The following MYH10 variants were observed in gnomAD, a reference collection of about 807,000 sequenced individuals.
MYH10 encodes myosin-10.
In MYH10, 55 loss-of-function variants were observed where a neutral mutation model predicts 257.8. That is an observed-to-expected ratio of 0.21 (90% CI 0.17 to 0.27). MYH10 has a LOEUF of 0.27. MYH10 is among the 10% of genes least tolerant of loss of function. MYH10 has a pLI of 1.00. For missense variants in MYH10, 1,631 were observed against 2,500.6 expected (o/e 0.65, Z 7.42); for synonymous variants, 854 against 921.7 (o/e 0.93, Z 1.33).
In MYH10 at chr17:8,474,246, T is replaced by C. The variant is rs534277744; in HGVS notation, c.*1558A>G. 3 of 152,796 alleles carry C rather than the reference T, an allele frequency of 2.0e-5. No homozygotes were observed. The highest frequency in any genetic ancestry group is 7.2e-5 in the African/African-American group (3 of 41,588). 9.5% of individuals were successfully genotyped at this position (152,796 alleles called of 1,614,324 possible). ...TTATTCTTGTTTATTGAGGTCTCTT[T>C]ATTCTCCACGGGTGCTTTTTTCTTC... On this transcript the variant is annotated 3_prime_UTR_variant, in exon 43 of 43. Coordinates refer to ENST00000360416, the MANE Select transcript of MYH10 (RefSeq NM_001256012.3).
chr17:8,498,819 G>C (rs1917083544), intron 30 of MYH10, among the ~76,000 whole-genome samples: 2 of 152,124 alleles, frequency 1.3e-5, no homozygotes, highest in Non-Finnish European at 2.9e-5. Context: ...CTGCACTCCA[G>C]CCTGGGCAAC....
At chr17:8,580,682 A>G (rs893666669) in intron 4 of MYH10, among the ~76,000 whole-genome samples, 1 of 152,158 alleles carries the variant, frequency 6.6e-6, no homozygotes, top group Non-Finnish European at 1.5e-5. Context: ...TACTATTGGC[A>G]CATAGATAAG....
intron 3 of MYH10, among the ~76,000 whole-genome samples, chr17:8,594,717 C>T (rs2084295721): frequency 6.6e-6 from 1 of 152,146 alleles, no homozygotes; most frequent in South Asian, 2.1e-4. Flanking sequence ...TACTCAAGTC[C>T]CTTATATAAA....
chr17:8,517,760 G>A lies in MYH10; in HGVS notation c.2504+871C>T, dbSNP rs184644708. 3.9e-4 allele frequency among the ~76,000 whole-genome samples: 59 copies of A among 152,184 alleles called. 1 individual carries two copies. The highest frequency in any genetic ancestry group is 2.4e-3 in the Admixed American group (36 of 15,290). ...TTGACAGTATAGATTCCCCCTCACT[G>A]CACTCCTAACCCCTGTCCAGCGTCT... On this transcript the variant is annotated intron_variant, in intron 21 of 42. Coordinates refer to ENST00000360416, the MANE Select transcript of MYH10 (RefSeq NM_001256012.3).
intron 19 of MYH10, among the ~76,000 whole-genome samples, chr17:8,519,991 CTG>C (rs2081598579): frequency 1.3e-5 from 2 of 152,112 alleles, no homozygotes; most frequent in South Asian, 2.1e-4. Context: ...AGCTAAAAGA[CTG>C]TAATTGCACG....
In MYH10 at chr17:8,592,961, AT is replaced by A. The variant is rs1314421364; in HGVS notation, c.503-3854del. The stretch of plus-strand genomic sequence containing the variant: ...TATATATATATATATATATATATAT[AT>A]ATATATATAAAAGATGATGCACAGA... On this transcript the variant is annotated intron_variant, in intron 3 of 42. Transcript: ENST00000360416. 2.5e-4 allele frequency among the ~76,000 whole-genome samples: 31 copies of A among 122,872 alleles called. 3 individuals carry two copies. The highest frequency in any genetic ancestry group is 8.5e-4 in the African/African-American group (30 of 35,450). The allele number at this position is 122,872 out of a possible 152,430, so 80.6% of individuals were successfully genotyped here. A position where few individuals can be genotyped will look rare whatever the true frequency, so the allele number is the denominator to read the frequency against.
chr17:8,563,630 A>G (rs1361595459), intron 7 of MYH10, among the ~76,000 whole-genome samples: 1 of 152,232 alleles, frequency 6.6e-6, no homozygotes, highest in Non-Finnish European at 1.5e-5. Flanking sequence ...CATTTGCCTC[A>G]GTAAATCTTT....
intron 13 of MYH10, among the ~76,000 whole-genome samples, chr17:8,544,951 C>T (rs763739956): frequency 3.3e-5 from 5 of 152,224 alleles, no homozygotes; most frequent in East Asian, 1.9e-4. Context: ...GCCAAGCCCC[C>T]GTCATCTTGC....
At chr17:8,486,543 CAAAAAAAAAAAAAAAAA>C (rs67844660) in intron 36 of MYH10, among the ~76,000 whole-genome samples, 112,182 of 120,856 alleles carry the variant, frequency 0.93, 52,362 homozygotes, top group Non-Finnish European at 0.98. Flanking sequence ...TATTTAGCTT[CAAAAAAAAAAAAAAAAA>C]AAAAAAAAAA....
At chr17:8,595,546 C>A (rs1325568696) in intron 3 of MYH10, among the ~76,000 whole-genome samples, 1 of 149,796 alleles carries the variant, frequency 6.7e-6, no homozygotes, top group Non-Finnish European at 1.5e-5. Flanking sequence ...GATTCTCCTG[C>A]CTCAGCCTCC....
intron 41 of MYH10, among the ~76,000 whole-genome samples, chr17:8,478,070 C>T (rs1414154786): frequency 6.6e-6 from 1 of 152,312 alleles, no homozygotes; most frequent in Admixed American, 6.5e-5. Flanking sequence ...GCAGAAATCC[C>T]TGTACTCACG....
In MYH10 at chr17:8,500,928, A is replaced by T. The variant is rs146594015; in HGVS notation, c.3642T>A (p.Leu1214=). 1.4e-5 allele frequency: 22 copies of T among 1,614,138 alleles called. No individual in the cohort carries two copies. The East Asian group carries it at 4.9e-4, about 36-fold the overall frequency. Residue 1214 remains leucine (L), a synonymous_variant, in exon 29 of 43, where the codon CTT becomes CTA. Transcript: ENST00000360416. ...CTTCATGGTTCTTAGTTTCCTCCTCAAGAGCTTTCTTCAGCTCTGCCACTT... is the reference window on the plus strand; with the variant it reads ...CTTCATGGTTCTTAGTTTCCTCCTCTAGAGCTTTCTTCAGCTCTGCCACTT... The part of the protein sequence containing the change: ...EQEVAELKKA[L]EEETKNHEAQ...
chr17:8,533,621 A>C lies in MYH10; in HGVS notation c.1894+1766T>G, dbSNP rs570329669. The stretch of plus-strand genomic sequence containing the variant: ...CAGGAGATGTTAGCTTTCATTGTTT[A>C]ATCAACAAATCATTATTCTCTTTTA... On this transcript the variant is annotated intron_variant, in intron 16 of 42. Transcript: ENST00000360416. Among the ~76,000 whole-genome samples the C allele has an allele frequency of 3.0e-4, 46 of 152,302 alleles. No homozygotes were observed. In the South Asian group the frequency reaches 5.6e-3, roughly 19 times the overall value.
chr17:8,499,328 T>G lies in MYH10; in HGVS notation c.3893A>C (p.Lys1298Thr). 1.2e-6 allele frequency: 2 copies of G among 1,614,150 alleles called. No individual in the cohort carries two copies. The highest frequency in any genetic ancestry group is 1.7e-6 in the Non-Finnish European group (2 of 1,180,022). The change falls in exon 30 of 43, where the codon AAG (lysine) becomes ACG (threonine). Residue 1298 changes from lysine (K) to threonine (T), a missense_variant. Lys to Thr is a moderately conservative substitution (Grantham distance 78, BLOSUM62 -1). Transcript: ENST00000360416. ...LDAQVQELHA[K>T]VSEGDRLRVE... ...CCTGAGCCTGTCGCCTTCAGAGACC[T>G]TGGCATGGAGCTCCTGGACCTGCGC...
chr17:8,521,367 C>T, intron 17 of MYH10, 82 bp from the exon 18 acceptor site: 1 of 1,421,580 alleles, frequency 7.0e-7, no homozygotes, highest in Non-Finnish European at 9.8e-7. Context: ...GAAAGTGCAG[C>T]AGCACAAGCT....
At chr17:8,495,374 A>T (rs760989303) in intron 30 of MYH10, 133 bp from the exon 31 acceptor site, 159 of 627,208 alleles carry the variant, frequency 2.5e-4, no homozygotes, top group Non-Finnish European at 4.1e-4. Context: ...TCAGTTAAGG[A>T]AGACTCACCA....
At chr17:8,525,604 G>T (rs1043495259) in intron 17 of MYH10, among the ~76,000 whole-genome samples, 1 of 152,244 alleles carries the variant, frequency 6.6e-6, no homozygotes, top group African/African-American at 2.4e-5. Flanking sequence ...TACACTGGTT[G>T]TGCAGTACTT....
intron 16 of MYH10, among the ~76,000 whole-genome samples, chr17:8,533,442 T>A (rs888480506): frequency 2.0e-5 from 3 of 152,222 alleles, no homozygotes; most frequent in East Asian, 1.9e-4. Flanking sequence ...ATTCTGTACT[T>A]CTTCTCCTGC....
chr17:8,589,240 C>T (rs1235394554), intron 3 of MYH10, 132 bp from the exon 4 acceptor site: 2 of 788,934 alleles, frequency 2.5e-6, no homozygotes, highest in East Asian at 2.7e-5. Context: ...CAAGTTAATG[C>T]CTCCAACCCC....
Sources: allele counts gnomAD v4.1 joint callset (sites outside exome capture counted in the v4.1 genomes callset), GRCh38; gene constraint gnomAD v4.1.1; transcripts MANE v1.5; gene names NCBI Gene and HGNC (gene_info 2026-07-23, HGNC 2026-07-21).